Variants in TPST1 observed in about 807,000 individuals in gnomAD.
The protein encoded by TPST1 is protein-tyrosine sulfotransferase 1.
A neutral mutation model predicts 34.8 loss-of-function variants in TPST1; 20 were observed. The ratio of observed to expected loss-of-function variants is 0.57; its 90% confidence interval spans 0.40 to 0.84. The LOEUF (loss-of-function observed/expected upper bound fraction) is 0.84. Ranked by LOEUF, TPST1 falls within the 40% of genes least tolerant of loss-of-function variation. The pLI is 0.00. For missense variants in TPST1, 353 were observed against 455.5 expected (o/e 0.78, Z 2.05); for synonymous variants, 152 against 159.4 (o/e 0.95, Z 0.35).
intron 3 of TPST1, among the ~76,000 whole-genome samples, chr7:66,317,085 A>C (rs1791647925): frequency 6.6e-6 from 1 of 152,232 alleles, no homozygotes; most frequent in Admixed American, 6.5e-5. Context: ...AAGTTAACAA[A>C]AAAAGTCTGG....
Position 66,215,663 on chromosome 7 carries a change from G to A in TPST1, c.-102+10141G>A, listed in dbSNP as rs574697366. ...GCTGGGATTACAGGCGTGAGCCACC[G>A]CGCCCAGCCTCCTAATATATATTTT... On this transcript the variant is annotated intron_variant, in intron 1 of 5. Transcript: ENST00000304842. Among the ~76,000 whole-genome samples the A allele has an allele frequency of 1.3e-4, 19 of 151,612 alleles. No individual in the cohort carries two copies. The East Asian group carries it at 1.9e-3, about 15-fold the overall frequency.
chr7:66,328,857 C>T (rs9770070), intron 3 of TPST1, among the ~76,000 whole-genome samples: 3 of 63,804 alleles, frequency 4.7e-5, no homozygotes, highest in African/African-American at 1.7e-4. Flanking sequence ...TCTCTCTCTC[C>T]CGCTCTCTCT....
chr7:66,337,739 G>C (rs893700568), intron 3 of TPST1, among the ~76,000 whole-genome samples: 5 of 152,148 alleles, frequency 3.3e-5, no homozygotes, highest in Non-Finnish European at 7.4e-5. Flanking sequence ...TAGAGTTTTT[G>C]TTACTTTTCT....
intron 2 of TPST1, among the ~76,000 whole-genome samples, chr7:66,246,091 G>A (rs1011926148): frequency 6.0e-5 from 9 of 151,002 alleles, no homozygotes; most frequent in African/African-American, 2.2e-4. Flanking sequence ...GCTCACTGCA[G>A]CCTTGAACTC....
At chr7:66,279,204 T>C (rs2115874489) in intron 2 of TPST1, among the ~76,000 whole-genome samples, 1 of 152,322 alleles carries the variant, frequency 6.6e-6, no homozygotes, top group East Asian at 1.9e-4. Context: ...TGTTCATGTA[T>C]TAATTCGCTT....
At chr7:66,253,666 C>T (rs1311314744) in intron 2 of TPST1, among the ~76,000 whole-genome samples, 1 of 151,804 alleles carries the variant, frequency 6.6e-6, no homozygotes, top group African/African-American at 2.4e-5. Flanking sequence ...CCACTGCACC[C>T]AGTCAAGAAA....
At chr7:66,223,703 T>G (rs747864546) in intron 1 of TPST1, among the ~76,000 whole-genome samples, 2 of 152,184 alleles carry the variant, frequency 1.3e-5, no homozygotes, top group South Asian at 4.1e-4. Flanking sequence ...TTATTTTGTT[T>G]TATTTCATTT....
upstream of TPST1, among the ~76,000 whole-genome samples, chr7:66,200,477 T>C (rs1243180121): frequency 8.9e-6 from 1 of 111,790 alleles, no homozygotes; most frequent in Non-Finnish European, 1.9e-5. Context: ...TGGAGTGCAG[T>C]GGCGCAATCT....
At chr7:66,263,227 G>C (rs1191139059) in intron 2 of TPST1, among the ~76,000 whole-genome samples, 1 of 152,174 alleles carries the variant, frequency 6.6e-6, no homozygotes, top group Non-Finnish European at 1.5e-5. Flanking sequence ...AATTAGGGAA[G>C]GTTTCTCTGA....
chr7:66,274,323 C>T (rs1291802705), intron 2 of TPST1, among the ~76,000 whole-genome samples: 3 of 150,634 alleles, frequency 2.0e-5, no homozygotes, highest in Non-Finnish European at 4.4e-5. Context: ...GTTGAGATCG[C>T]GTCACTGCAC....
chr7:66,254,754 T>C (rs1201582550), intron 2 of TPST1, among the ~76,000 whole-genome samples: 1 of 152,236 alleles, frequency 6.6e-6, no homozygotes, highest in Admixed American at 6.5e-5. Context: ...TGTATATAAT[T>C]GTAAATGACT....
chr7:66,201,103 G>T (rs754295261), upstream of TPST1, among the ~76,000 whole-genome samples: 2 of 152,096 alleles, frequency 1.3e-5, no homozygotes, highest in Non-Finnish European at 1.5e-5. Context: ...AAATAGAAAC[G>T]CAGAAAGAGT....
At chr7:66,340,023 C>T (rs1331941929) in intron 3 of TPST1, among the ~76,000 whole-genome samples, 1 of 151,988 alleles carries the variant, frequency 6.6e-6, no homozygotes, top group Non-Finnish European at 1.5e-5. Flanking sequence ...GATAAAAATT[C>T]TCAACAAACG....
At chr7:66,261,429 C>T (rs955769322) in intron 2 of TPST1, among the ~76,000 whole-genome samples, 1 of 151,982 alleles carries the variant, frequency 6.6e-6, no homozygotes, top group Non-Finnish European at 1.5e-5. Context: ...TACTAGTTTG[C>T]TTTATTTCCC....
At chr7:66,241,824 A>G (rs1409335383) in intron 2 of TPST1, among the ~76,000 whole-genome samples, 1 of 152,226 alleles carries the variant, frequency 6.6e-6, no homozygotes, top group Non-Finnish European at 1.5e-5. Flanking sequence ...AGTAAGATTA[A>G]AACGATTTGT....
chr7:66,202,844 C>T (rs889146633), upstream of TPST1, among the ~76,000 whole-genome samples: 4 of 152,146 alleles, frequency 2.6e-5, no homozygotes, highest in Non-Finnish European at 2.9e-5. Flanking sequence ...AAGGTGGAGC[C>T]GGGCAGATCA....
In TPST1 at chr7:66,256,021, TA is replaced by T. The variant is rs111865677; in HGVS notation, c.845+14753del. 3.3e-4 allele frequency among the ~76,000 whole-genome samples: 51 copies of T among 152,338 alleles called. 5 individuals carry two copies. Among genetic ancestry groups the T allele is most frequent in the African/African-American group, 1.2e-3 (49 of 41,562 alleles). On this transcript the variant is annotated intron_variant, in intron 2 of 5. Transcript: ENST00000304842. ...ATTTAAAATTTCCTTCTGTATTCAT[TA>T]ATGATATTTTTCTATAAAGAAGACT...
chr7:66,296,039 A>G (rs765086993), intron 3 of TPST1, among the ~76,000 whole-genome samples: 4 of 152,172 alleles, frequency 2.6e-5, no homozygotes, highest in African/African-American at 9.7e-5. Context: ...TACATGTACA[A>G]TGCTATTTTG....
intron 3 of TPST1, among the ~76,000 whole-genome samples, chr7:66,295,323 C>A (rs1469919972): frequency 1.3e-5 from 2 of 151,986 alleles, no homozygotes; most frequent in Non-Finnish European, 2.9e-5. Context: ...GGCAAAACCC[C>A]ATCTCTACAA....
Sources: allele counts gnomAD v4.1 joint callset (sites outside exome capture counted in the v4.1 genomes callset), GRCh38; gene constraint gnomAD v4.1.1; transcripts MANE v1.5; gene names NCBI Gene and HGNC (gene_info 2026-07-23, HGNC 2026-07-21).